Variants in LOXL2 observed in about 807,000 individuals in gnomAD.
LOXL2 encodes lysyl oxidase like 2.
A neutral mutation model predicts 93.0 loss-of-function variants in LOXL2; 70 were observed. The ratio of observed to expected loss-of-function variants is 0.75; its 90% CI spans 0.62 to 0.92. The LOEUF (loss-of-function observed/expected upper bound fraction) is 0.92, where lower values mean the gene tolerates loss of function less well. Ranked by LOEUF, LOXL2 falls within the 40% of genes least tolerant of loss-of-function variation. LOXL2 has a pLI of 0.00. For missense variants in LOXL2, 973 were observed against 1,054.9 expected, an observed-to-expected ratio of 0.92 and a Z score of 1.08; for synonymous variants, 438 against 413.2, an observed-to-expected ratio of 1.06 and a Z score of -0.73.
intron 3 of LOXL2, among the ~76,000 whole-genome samples, chr8:23,354,481 G>T (rs1004068553): frequency 6.6e-6 from 1 of 152,104 alleles, no homozygotes; most frequent in African/African-American, 2.4e-5. Context: ...TTGATATGAA[G>T]AGTGAAAAGT....
chr8:23,380,514 T>C (rs1241785426), intron 1 of LOXL2, among the ~76,000 whole-genome samples: 2 of 152,194 alleles, frequency 1.3e-5, no homozygotes, highest in Non-Finnish European at 2.9e-5. Context: ...CTAAATCTTT[T>C]CTAGAACAGC....
chr8:23,325,519 C>T (rs1265073369), intron 6 of LOXL2, among the ~76,000 whole-genome samples: 1 of 152,094 alleles, frequency 6.6e-6, no homozygotes, highest in Admixed American at 6.5e-5. Flanking sequence ...CTTGAACTCC[C>T]AGGCTCAAGT....
intron 3 of LOXL2, among the ~76,000 whole-genome samples, chr8:23,354,949 A>ATT (rs60819350): frequency 1.3e-4 from 10 of 77,670 alleles, no homozygotes; most frequent in Non-Finnish European, 1.9e-4. Flanking sequence ...ATATATATAT[A>ATT]TTTTTTTTTT....
chr8:23,352,683 T>G (rs1362296756), intron 3 of LOXL2, among the ~76,000 whole-genome samples: 5 of 152,070 alleles, frequency 3.3e-5, no homozygotes. Flanking sequence ...TCTCTGTGGT[T>G]AAGATGAGAA....
intron 1 of LOXL2, among the ~76,000 whole-genome samples, chr8:23,380,122 T>C (rs536075973): frequency 3.9e-5 from 6 of 152,334 alleles, no homozygotes; most frequent in Admixed American, 3.3e-4. Context: ...AGGCCAGGCG[T>C]GCTGGCTTAC....
At chr8:23,334,524 C>A (rs201372564) in intron 4 of LOXL2, among the ~76,000 whole-genome samples, 1 of 152,334 alleles carries the variant, frequency 6.6e-6, no homozygotes, top group East Asian at 1.9e-4. Context: ...AATGGTAATG[C>A]AACTACTGCT....
intron 1 of LOXL2, among the ~76,000 whole-genome samples, chr8:23,371,575 A>C (rs1288559243): frequency 6.6e-6 from 1 of 151,432 alleles, no homozygotes; most frequent in East Asian, 1.9e-4. Context: ...ACACGGTGAA[A>C]CCCCGTCTCT....
chr8:23,310,176 C>G (rs746355386), intron 9 of LOXL2, among the ~76,000 whole-genome samples: 13 of 152,204 alleles, frequency 8.5e-5, no homozygotes, highest in African/African-American at 2.9e-4. Flanking sequence ...AGGCTACGAG[C>G]GAAGCACAGA....
rs1262700277 is a variant in LOXL2 at position 23,328,495 on chromosome 8, T to C, written c.1037A>G (p.Glu346Gly). 6.2e-7 allele frequency: 1 copy of C among 1,613,804 alleles called. No individual in the cohort carries two copies. Among genetic ancestry groups the C allele is most frequent in the Non-Finnish European group, 8.5e-7 (1 of 1,179,958 alleles). Residue 346 changes from glutamate to glycine, a missense_variant, in exon 6 of 14, where the codon GAA (glutamate) becomes GGA (glycine). Glu to Gly is a moderately conservative substitution (Grantham distance 98). Transcript: ENST00000389131. ...CTTGTCGTCGCAGACGGTCCCCCAT[T>C]CTCCATTTTTGAGCACCTCCACGCG... is the stretch of plus-strand genomic sequence containing the variant. ...EGRVEVLKNG[E>G]WGTVCDDKWD...
chr8:23,371,535 A>G (rs1434188832), intron 1 of LOXL2, among the ~76,000 whole-genome samples: 10 of 151,684 alleles, frequency 6.6e-5, no homozygotes, highest in South Asian at 2.1e-4. Flanking sequence ...GGCGGATCAC[A>G]AGGTCAGGAG....
At chr8:23,381,887 G>T (rs1298907417) in intron 1 of LOXL2, among the ~76,000 whole-genome samples, 4 of 152,188 alleles carry the variant, frequency 2.6e-5, no homozygotes, top group Admixed American at 6.5e-5. Flanking sequence ...ACCTGACTGG[G>T]CCCCCAAGCC....
At chr8:23,324,144 G>T (rs1803542289) in intron 6 of LOXL2, among the ~76,000 whole-genome samples, 1 of 152,244 alleles carries the variant, frequency 6.6e-6, no homozygotes, top group Non-Finnish European at 1.5e-5. Context: ...TACAGCTCAA[G>T]ACTGGACAGG....
intron 4 of LOXL2, chr8:23,336,990 C>A (rs150669013): frequency 6.6e-6 from 1 of 152,124 alleles, no homozygotes; most frequent in Non-Finnish European, 1.5e-5. Flanking sequence ...GGCTCAAGTA[C>A]GGGAATGGAT....
At chr8:23,299,033 CAG>C in intron 12 of LOXL2, 86 bp from the exon 13 acceptor site, 1 of 800,402 alleles carries the variant, frequency 1.2e-6, no homozygotes, top group Non-Finnish European at 2.2e-6. Context: ...ACCAGCACCT[CAG>C]GGAAGGGGAG....
chr8:23,331,713 G>C (rs954888039), intron 5 of LOXL2: 1 of 152,114 alleles, frequency 6.6e-6, no homozygotes, highest in African/African-American at 2.4e-5. Context: ...TCAGAGGCTG[G>C]GTCAAGCCTG....
rs569611997 is a variant in LOXL2, at chr8:23,355,319, A to G, written c.531+4771T>C. 1.4e-4 allele frequency among the ~76,000 whole-genome samples: 21 copies of G among 147,488 alleles called. No individual in the cohort carries two copies. In the East Asian group the frequency reaches 2.0e-3, roughly 14 times the overall value. On this transcript the variant is annotated intron_variant, in intron 3 of 13. Transcript: ENST00000389131. ...TATTTGAAGAGAACCATCTCCCCCC[A>G]TATCTCTTTTCTTGACAAAAAACTT...
At chr8:23,317,157 A>G (rs1239262649) in intron 8 of LOXL2, 43 bp from the exon 9 acceptor site, 2 of 1,589,500 alleles carry the variant, frequency 1.3e-6, no homozygotes, top group Non-Finnish European at 1.7e-6. Context: ...ATCATCTCAA[A>G]CTGTCACTTT....
chr8:23,342,425 T>A (rs1458956108), intron 3 of LOXL2, among the ~76,000 whole-genome samples: 1 of 150,890 alleles, frequency 6.6e-6, no homozygotes, highest in Non-Finnish European at 1.5e-5. Context: ...AGCCTCTTTT[T>A]TCTTTTTCTT....
intron 6 of LOXL2, among the ~76,000 whole-genome samples, chr8:23,322,490 TAA>T (rs1490014600): frequency 6.6e-6 from 1 of 152,156 alleles, no homozygotes; most frequent in Non-Finnish European, 1.5e-5. Flanking sequence ...CAAGAGCAAA[TAA>T]AGTTTGCTAC....
Sources: gnomAD v4.1 joint callset for allele counts (sites outside exome capture counted in the v4.1 genomes callset) on GRCh38, gnomAD v4.1.1 for gene constraint, MANE v1.5 for transcripts, NCBI Gene and HGNC (gene_info 2026-07-23, HGNC 2026-07-21) for gene names.